The following USP8 variants were observed in gnomAD, a reference collection of about 807,000 sequenced individuals.
The protein encoded by USP8 is ubiquitin carboxyl-terminal hydrolase 8.
Under a neutral mutation model 130.0 loss-of-function variants are expected in USP8, and 27 were observed. The ratio of observed to expected loss-of-function variants is 0.21; its 90% confidence interval spans 0.15 to 0.29. The LOEUF is 0.29. Among genes scored for constraint, USP8 ranks in the 10% least tolerant of loss-of-function variants. The pLI, the probability that USP8 is intolerant of heterozygous loss-of-function variation, is 1.00. For synonymous variants in USP8, 392 were observed against 444.1 expected (o/e 0.88, Z 1.48); for missense variants, 1,029 against 1,312.2 (o/e 0.78, Z 3.33).
chr15:50,451,711 C>A (rs962964814), intron 4 of USP8, among the ~76,000 whole-genome samples: 16 of 152,246 alleles, frequency 1.1e-4, no homozygotes, highest in Admixed American at 2.6e-4. Context: ...TTAGAGCAAC[C>A]CTGTGTGAAC....
At chr15:50,447,151 G>A (rs1362547377) in intron 3 of USP8, among the ~76,000 whole-genome samples, 2 of 152,172 alleles carry the variant, frequency 1.3e-5, no homozygotes, top group Non-Finnish European at 2.9e-5. Context: ...ATGTCTGGCA[G>A]TTTTCTTTAG....
Position 50,425,293 on chromosome 15 carries a change from G to A in USP8, c.-66+779G>A, listed in dbSNP as rs531884286. The stretch of plus-strand genomic sequence containing the variant: ...TGAAAGGGATTTATATCTAAAGGAT[G>A]TTACCTTTTCTGAATCTGCAAAGCA... On this transcript the variant is annotated intron_variant, in intron 1 of 19. Coordinates refer to ENST00000307179, the MANE Select transcript of USP8 (RefSeq NM_005154.5). Among the ~76,000 whole-genome samples the A allele has an allele frequency of 1.2e-4, 18 of 152,322 alleles. No homozygotes were observed. The South Asian group carries it at 3.7e-3, about 32-fold the overall frequency.
chr15:50,446,276 C>T (rs1043589856), intron 3 of USP8, among the ~76,000 whole-genome samples: 1 of 152,144 alleles, frequency 6.6e-6, no homozygotes, highest in Non-Finnish European at 1.5e-5. Flanking sequence ...TTTACTTTAA[C>T]TGTGCTCCTT....
intron 10 of USP8, among the ~76,000 whole-genome samples, chr15:50,477,957 T>G (rs2051626093): frequency 6.6e-6 from 1 of 152,208 alleles, no homozygotes. Flanking sequence ...ATTTTTTGTT[T>G]AAAAATTTTT....
chr15:50,431,163 C>CTGTGTGTG (rs2049919971), intron 1 of USP8, among the ~76,000 whole-genome samples: 1 of 10,758 alleles, frequency 9.3e-5, no homozygotes, highest in Non-Finnish European at 1.8e-4. Context: ...GTGTGTGTGC[C>CTGTGTGTG]TCTGTGTGTG....
chr15:50,444,129 A>G (rs2050348014), intron 3 of USP8, among the ~76,000 whole-genome samples: 1 of 129,482 alleles, frequency 7.7e-6, no homozygotes, highest in African/African-American at 2.9e-5. Context: ...TTAAGGTGAC[A>G]GTCTTGTTCT....
intron 17 of USP8, 55 bp from the exon 18 acceptor site, chr15:50,497,034 G>T: frequency 6.4e-7 from 1 of 1,551,736 alleles, no homozygotes; most frequent in South Asian, 1.2e-5. Flanking sequence ...GGTGCTCTCT[G>T]ACATTATTGA....
intron 1 of USP8, among the ~76,000 whole-genome samples, chr15:50,427,726 A>C (rs1372135095): frequency 2.0e-5 from 3 of 151,436 alleles, no homozygotes; most frequent in Non-Finnish European, 2.9e-5. Flanking sequence ...TGCCCGGCTA[A>C]TTTTTGTATT....
At chr15:50,449,624 C>A in intron 4 of USP8, 139 bp downstream of exon 4, 1 of 478,146 alleles carries the variant, frequency 2.1e-6, no homozygotes, top group Non-Finnish European at 3.3e-6. Context: ...GTCTGTCGCC[C>A]ATGCTGGAGT....
At chr15:50,434,506 G>A (rs1162087223) in intron 1 of USP8, among the ~76,000 whole-genome samples, 6 of 151,692 alleles carry the variant, frequency 4.0e-5, no homozygotes, top group East Asian at 1.9e-4. Flanking sequence ...AGGTTTACAC[G>A]TCTTAAGAAT....
intron 9 of USP8, 136 bp from the exon 10 acceptor site, chr15:50,477,140 A>C: frequency 7.5e-7 from 1 of 1,334,624 alleles, no homozygotes; most frequent in Non-Finnish European, 1.0e-6. Flanking sequence ...CTGGAAGTTC[A>C]CATTTTCTTT....
intron 3 of USP8, among the ~76,000 whole-genome samples, chr15:50,443,982 T>C (rs1027271256): frequency 6.6e-6 from 1 of 152,002 alleles, no homozygotes; most frequent in African/African-American, 2.4e-5. Context: ...TATGTTAAAG[T>C]GGAATTGCTT....
At position 50,499,388 on chromosome 15, in the gene USP8, C is replaced by CTT; in HGVS notation, c.*309_*310dup. 1 of 197,928 alleles carries CTT rather than the reference C, an allele frequency of 5.1e-6. No homozygotes were observed. The highest frequency in any genetic ancestry group is 1.0e-5 in the Non-Finnish European group (1 of 99,268). The allele number at this position is 197,928 out of a possible 1,614,324, so 12.3% of individuals were successfully genotyped here. A position where few individuals can be genotyped will look rare whatever the true frequency, so the allele number is the denominator to read the frequency against. ...CGACTGGTCTAAAAACTATTGTTAT[C>CTT]TTTTTTTTTTCCTTTTCACTGTTAT... On this transcript the variant is annotated 3_prime_UTR_variant, in exon 20 of 20. Transcript: ENST00000307179.
In USP8 at chr15:50,500,983, A is replaced by G; in HGVS notation, c.*1895A>G. Reference sequence around the variant, plus strand: ...ATAATTTTGTTGTTAAATCATGCATATAGCCTGACTGCTATATTGCTTCTC... The same window carrying G: ...ATAATTTTGTTGTTAAATCATGCATGTAGCCTGACTGCTATATTGCTTCTC... On this transcript the variant is annotated 3_prime_UTR_variant, in exon 20 of 20. Transcript: ENST00000307179. 1.5e-6 allele frequency: 1 copy of G among 659,780 alleles called. No homozygotes were observed. The allele number at this position is 659,780 out of a possible 1,614,324, so 40.9% of individuals were successfully genotyped here. A position where few individuals can be genotyped will look rare whatever the true frequency, so the allele number is the denominator to read the frequency against.
chr15:50,462,441 C>T (rs2051040880), intron 6 of USP8, 119 bp downstream of exon 6: 5 of 857,728 alleles, frequency 5.8e-6, no homozygotes, highest in Non-Finnish European at 8.6e-6. Flanking sequence ...TCTATGTAAG[C>T]TTTATCATTT....
In USP8 at chr15:50,513,031, A is replaced by G. The variant is rs1174460674; in HGVS notation, c.*13943A>G. On this transcript the variant is annotated 3_prime_UTR_variant, in exon 20 of 20. Coordinates refer to ENST00000307179, the MANE Select transcript of USP8 (RefSeq NM_005154.5). ...AGAAAAATAACCCAGTTTGTAAAAA[A>G]TGTGCAAAAGACAAATATTTCATAC... 8 of 152,246 alleles carry G rather than the reference A, an allele frequency of 5.3e-5. No individual in the cohort carries two copies. Among genetic ancestry groups the G allele is most frequent in the Admixed American group, 5.2e-4 (8 of 15,276 alleles). The allele number at this position is 152,246 out of a possible 1,614,324, so 9.4% of individuals were successfully genotyped here. A position where few individuals can be genotyped will look rare whatever the true frequency, so the allele number is the denominator to read the frequency against.
chr15:50,465,672 C>G (rs192795943), intron 7 of USP8, among the ~76,000 whole-genome samples: 44 of 152,158 alleles, frequency 2.9e-4, no homozygotes, highest in Admixed American at 1.2e-3. Flanking sequence ...ATCGTATGTA[C>G]CAAATTGATT....
chr15:50,493,510 T>C (rs1489182738), intron 15 of USP8: 7 of 518,088 alleles, frequency 1.4e-5, no homozygotes, highest in Middle Eastern at 3.2e-4. Context: ...CCTAGCACTT[T>C]GGGAGGCTGA....
intron 2 of USP8, among the ~76,000 whole-genome samples, chr15:50,440,340 T>G (rs1464264658): frequency 6.6e-6 from 1 of 152,214 alleles, no homozygotes; most frequent in Non-Finnish European, 1.5e-5. Context: ...TATATGTAAG[T>G]TGGTTGTATC....
Sources: gnomAD v4.1 joint callset for allele counts (sites outside exome capture counted in the v4.1 genomes callset) on GRCh38, gnomAD v4.1.1 for gene constraint, MANE v1.5 for transcripts, NCBI Gene and HGNC (gene_info 2026-07-23, HGNC 2026-07-21) for gene names.